ZNF280D: variants seen among roughly 807,000 people sequenced by gnomAD.
ZNF280D encodes the protein suppressor of hairy wing homolog 4.
Under a neutral mutation model 94.7 loss-of-function variants are expected in ZNF280D, and 39 were observed. The observed-to-expected ratio is 0.41, with a 90% CI of 0.32 to 0.54. ZNF280D has a LOEUF of 0.54. Among genes scored for constraint, ZNF280D ranks in the 20% least tolerant of loss-of-function variants. The probability of loss-of-function intolerance (pLI) is 0.22; values close to 1 mark genes in which losing one functional copy is unlikely to be tolerated. For missense variants in ZNF280D, 1,090 were observed against 1,149.3 expected, an observed-to-expected ratio of 0.95 and a Z score of 0.75; for synonymous variants, 398 against 377.6, an observed-to-expected ratio of 1.05 and a Z score of -0.63.
At chr15:56,654,335 T>C in intron 18 of ZNF280D, 50 bp downstream of exon 18, 5 of 1,595,270 alleles carry the variant, frequency 3.1e-6, no homozygotes, top group Non-Finnish European at 3.4e-6. Flanking sequence ...TGACCAAAAA[T>C]ACTGGAATAA....
intron 9 of ZNF280D, among the ~76,000 whole-genome samples, chr15:56,686,421 G>C (rs1232161108): frequency 1.3e-5 from 2 of 152,128 alleles, no homozygotes; most frequent in African/African-American, 4.8e-5. Context: ...TTACAGGTGT[G>C]AGCCATGACT....
At chr15:56,663,953 T>G (rs1173966972) in intron 16 of ZNF280D, among the ~76,000 whole-genome samples, 4 of 152,170 alleles carry the variant, frequency 2.6e-5, no homozygotes, top group South Asian at 2.1e-4. Context: ...AAGTGATGGA[T>G]ATCCCTGGGT....
chr15:56,654,233 A>C lies in ZNF280D; in HGVS notation c.2178T>G (p.Val726=), dbSNP rs1401873060. ...THTCQVVMQK[V]SVCIPTSEHL... ...GCTCAGAAGTTGGGATACAAACAGAAACTGAAATTAGAAGAAAAGTTTTAC... is the reference window on the plus strand; with the variant it reads ...GCTCAGAAGTTGGGATACAAACAGACACTGAAATTAGAAGAAAAGTTTTAC... Residue 726 remains valine (V), a splice_region_variant and synonymous_variant, in exon 19 of 22, where the codon GTT becomes GTG. Transcript: ENST00000267807. 6.2e-7 allele frequency: 1 copy of C among 1,610,666 alleles called. No homozygotes were observed. The highest frequency in any genetic ancestry group is 1.1e-5 in the South Asian group (1 of 89,700).
At chr15:56,711,829 G>A (rs974117442) in intron 1 of ZNF280D, among the ~76,000 whole-genome samples, 2 of 152,156 alleles carry the variant, frequency 1.3e-5, no homozygotes, top group Non-Finnish European at 1.5e-5. Context: ...TGAGAACATC[G>A]TAGAGTCTAC....
chr15:56,700,397 T>C (rs533941897), intron 6 of ZNF280D: 4 of 560,226 alleles, frequency 7.1e-6, no homozygotes, highest in Admixed American at 6.3e-5. Context: ...AATTTACCTA[T>C]AGCATTTAGC....
chr15:56,684,405 G>C (rs2055851786), intron 9 of ZNF280D, among the ~76,000 whole-genome samples: 1 of 152,050 alleles, frequency 6.6e-6, no homozygotes, highest in Admixed American at 6.6e-5. Flanking sequence ...GAAAACAGTA[G>C]CCACAAATTT....
rs750502873 is a variant in ZNF280D, at chr15:56,676,736, T to G, written c.1344A>C (p.Leu448=). The G allele has an allele frequency of 1.9e-6, 3 of 1,612,360 alleles. No homozygotes were observed. Among genetic ancestry groups the G allele is most frequent in the Non-Finnish European group, 8.5e-7 (1 of 1,178,862 alleles). Residue 448 remains leucine (L), a synonymous_variant, in exon 13 of 22, where the codon CTA becomes CTC. Coordinates refer to ENST00000267807, the MANE Select transcript of ZNF280D (RefSeq NM_017661.4). ...RTSHENTKNL[L]CPFCLKVIKI... is the part of the protein sequence containing the mutation. ...TAATAACTTTGAGGCAAAACGGGCA[T>G]AGCAAGTTCTTAGTGTTTTCATGGG...
Position 56,717,733 on chromosome 15 carries a change from A to G in ZNF280D, c.-85-10427T>C, listed in dbSNP as rs138207528. Among the ~76,000 whole-genome samples the G allele has an allele frequency of 1.7e-3, 254 of 152,264 alleles. 1 individual carries two copies. The highest frequency in any genetic ancestry group is 5.8e-3 in the African/African-American group (240 of 41,562). ...TGTGGAAATTTAGTTATACAGGGTA[A>G]GTATCTCGCCCAAAGTAACAAAACT... On this transcript the variant is annotated intron_variant, in intron 1 of 21. Coordinates refer to ENST00000267807, the MANE Select transcript of ZNF280D (RefSeq NM_017661.4).
Position 56,631,953 on chromosome 15 carries a change from A to C in ZNF280D, c.2485T>G (p.Ser829Ala), listed in dbSNP as rs564202475. The part of the protein sequence containing the change: ...TGSKNIVSCD[S>A]NIGADKVEKK... ...TCCACTTTATCTGCACCAATATTTGAATCACAACTGACGATGTTTTTTGAG... is the reference window on the plus strand; with the variant it reads ...TCCACTTTATCTGCACCAATATTTGCATCACAACTGACGATGTTTTTTGAG... Residue 829 changes from serine to alanine, a missense_variant, in exon 22 of 22, where the codon TCA becomes GCA. By Grantham distance (99) the Ser-to-Ala change is moderately conservative. Around this residue, in one of 3 missense-constraint regions of ZNF280D, gnomAD observed 577 missense variants for 568.8 expected, o/e 1.01. Transcript: ENST00000267807. 1 of 1,614,022 alleles carries C rather than the reference A, an allele frequency of 6.2e-7. No homozygotes were observed. The highest frequency in any genetic ancestry group is 2.2e-5 in the East Asian group (1 of 44,868).
rs1319037773 is a variant in ZNF280D at position 56,678,721 on chromosome 15, T to G, written c.1105A>C (p.Thr369Pro). ...ATGTGACACTGCAACTGAAATGGTG[T>G]GGGAAACTGACGGTAGCAGTGCTGG... ...TCQHCYRQFPTPFQLQCHIES... is the reference protein window; with the variant it reads ...TCQHCYRQFPPPFQLQCHIES... The change falls in exon 11 of 22, where the codon ACA becomes CCA. Residue 369 changes from threonine (T) to proline (P), a missense_variant. Thr to Pro is a conservative substitution (Grantham distance 38). Around this residue, in one of 3 missense-constraint regions of ZNF280D, gnomAD observed 127 missense variants for 208.6 expected, o/e 0.61. Transcript: ENST00000267807. 6.2e-7 allele frequency: 1 copy of G among 1,613,330 alleles called. No homozygotes were observed. Among genetic ancestry groups the G allele is most frequent in the Non-Finnish European group, 8.5e-7 (1 of 1,179,636 alleles).
chr15:56,718,520 T>C (rs2058166858), intron 1 of ZNF280D, among the ~76,000 whole-genome samples: 1 of 152,230 alleles, frequency 6.6e-6, no homozygotes. Flanking sequence ...ATAATATTAA[T>C]ACATAGAAAG....
At chr15:56,701,934 A>C (rs1267155511) in intron 4 of ZNF280D, among the ~76,000 whole-genome samples, 1 of 151,920 alleles carries the variant, frequency 6.6e-6, no homozygotes, top group Non-Finnish European at 1.5e-5. Context: ...GCATGCATGT[A>C]AACTCTGTAA....
intron 1 of ZNF280D, 158 bp from the exon 2 acceptor site, chr15:56,707,464 A>G (rs2057478454): frequency 2.8e-6 from 1 of 361,168 alleles, no homozygotes; most frequent in African/African-American, 2.1e-5. Flanking sequence ...AATAAACCCA[A>G]ATTTAATAAA....
In ZNF280D at chr15:56,678,790, G is replaced by C. The variant is rs1352480542; in HGVS notation, c.1036C>G (p.Leu346Val). The change falls in exon 11 of 22, where the codon CTT (leucine) becomes GTT (valine). Residue 346 changes from leucine to valine, a missense_variant. Leu to Val is a conservative substitution (Grantham distance 32). Transcript: ENST00000267807. ...CAGCTCTCACTGCTCTGCTTCTCAA[G>C]TTCCAAATGGTGTTTCATGTGGTTC... ...FMNHMKHHLE[L>V]EKQSSESWEN... The C allele has an allele frequency of 1.2e-6, 2 of 1,610,316 alleles. No homozygotes were observed. Among genetic ancestry groups the C allele is most frequent in the African/African-American group, 2.7e-5 (2 of 74,914 alleles).
At chr15:56,653,975 A>T in intron 19 of ZNF280D, 1 of 1,408,228 alleles carries the variant, frequency 7.1e-7, no homozygotes. Context: ...GCCTTTGTGT[A>T]AGAAAACATC....
At chr15:56,654,595 G>T in intron 17 of ZNF280D, 92 bp from the exon 18 acceptor site, 1 of 1,174,212 alleles carries the variant, frequency 8.5e-7, no homozygotes, top group Non-Finnish European at 1.2e-6. Flanking sequence ...TGCTTTTTGT[G>T]CCATACATAA....
intron 1 of ZNF280D, among the ~76,000 whole-genome samples, chr15:56,727,642 T>C (rs551720789): frequency 1.7e-4 from 26 of 152,262 alleles, no homozygotes; most frequent in African/African-American, 6.3e-4. Context: ...CTGAATACAA[T>C]TAAGAACTCA....
chr15:56,666,924 A>G lies in ZNF280D; in HGVS notation c.1608T>C (p.Ser536=). The change falls in exon 15 of 22, where the codon AGT becomes AGC. Residue 536 remains serine (S), a synonymous_variant. Coordinates refer to ENST00000267807, the MANE Select transcript of ZNF280D (RefSeq NM_017661.4). ...AGAGCTGAAGGGTAGAAGCACTTGC[A>G]CTAATGGAAGGTGTAGGTGAAGCTC... ...QSGASPTPSI[S]ASASTLQLSP... is the part of the protein sequence containing the mutation. The G allele has an allele frequency of 6.2e-7, 1 of 1,613,364 alleles. No homozygotes were observed.
intron 1 of ZNF280D, chr15:56,725,099 T>A (rs1325577740): frequency 1.5e-5 from 4 of 260,724 alleles, no homozygotes; most frequent in African/African-American, 8.9e-5. Flanking sequence ...CTTAGCTTCT[T>A]AGATTTGCCA....
Sources: gnomAD v4.1 joint callset for allele counts (sites outside exome capture counted in the v4.1 genomes callset) on GRCh38, gnomAD v4.1.1 for gene constraint, gnomAD v4.1.1 regional missense constraint, MANE v1.5 for transcripts, NCBI Gene and HGNC (gene_info 2026-07-23, HGNC 2026-07-21) for gene names.